SPAG9: variants seen among roughly 807,000 people sequenced by gnomAD.
SPAG9 encodes C-Jun-amino-terminal kinase-interacting protein 4.
In SPAG9, 35 loss-of-function variants were observed where a neutral mutation model predicts 166.5. The ratio of observed to expected loss-of-function variants is 0.21; its 90% confidence interval spans 0.16 to 0.28. The LOEUF is 0.28. Ranked by LOEUF, SPAG9 falls within the 10% of genes least tolerant of loss-of-function variation. SPAG9 has a pLI of 1.00. For synonymous variants in SPAG9, 534 were observed against 565.5 expected (o/e 0.94, Z 0.79); for missense variants, 1,235 against 1,603.3 (o/e 0.77, Z 3.92).
chr17:51,009,825 A>AAAAT (rs893185643), intron 9 of SPAG9, among the ~76,000 whole-genome samples: 5 of 152,198 alleles, frequency 3.3e-5, no homozygotes, highest in Non-Finnish European at 7.4e-5. Flanking sequence ...CGAGATGGCA[A>AAAAT]AAATAAATAA....
chr17:51,022,886 G>T (rs1016069832), intron 6 of SPAG9, among the ~76,000 whole-genome samples: 1 of 150,370 alleles, frequency 6.7e-6, no homozygotes, highest in Non-Finnish European at 1.5e-5. Flanking sequence ...GGAGGCAGAG[G>T]TTGCAGTGAG....
chr17:51,093,529 C>T (rs2048526294), intron 1 of SPAG9, among the ~76,000 whole-genome samples: 2 of 151,414 alleles, frequency 1.3e-5, no homozygotes, highest in Admixed American at 6.6e-5. Context: ...GGTGAAACCC[C>T]GTCTCTACTA....
chr17:51,071,677 AGT>A (rs2047824250), intron 2 of SPAG9, among the ~76,000 whole-genome samples: 1 of 152,246 alleles, frequency 6.6e-6, no homozygotes, highest in African/African-American at 2.4e-5. Flanking sequence ...AAAGCTGTAA[AGT>A]GTGTCTTTTA....
At chr17:51,010,163 T>A (rs141113469) in intron 9 of SPAG9, among the ~76,000 whole-genome samples, 4 of 152,196 alleles carry the variant, frequency 2.6e-5, no homozygotes, top group Admixed American at 2.0e-4. Flanking sequence ...CAGAGTTATA[T>A]GGTAATCCCT....
intron 1 of SPAG9, among the ~76,000 whole-genome samples, chr17:51,084,489 A>G (rs1598151749): frequency 6.6e-6 from 1 of 151,918 alleles, no homozygotes; most frequent in Admixed American, 6.6e-5. Flanking sequence ...CCTGGCTTCA[A>G]GCAATACTCC....
At chr17:51,072,361 C>A (rs1225245680) in intron 2 of SPAG9, among the ~76,000 whole-genome samples, 1 of 149,818 alleles carries the variant, frequency 6.7e-6, no homozygotes, top group African/African-American at 2.5e-5. Context: ...CGTGAGCCAC[C>A]GCGCCTGGTC....
chr17:51,017,027 G>A (rs2045727067), intron 8 of SPAG9, among the ~76,000 whole-genome samples: 3 of 152,188 alleles, frequency 2.0e-5, no homozygotes, highest in Admixed American at 1.3e-4. Flanking sequence ...AACAGAATTT[G>A]AAATATATAA....
chr17:51,080,886 C>CAAAAAAAAAAA, intron 1 of SPAG9, among the ~76,000 whole-genome samples: 1 of 67,852 alleles, frequency 1.5e-5, no homozygotes, highest in East Asian at 5.1e-4. Flanking sequence ...GACTCTATCT[C>CAAAAAAAAAAA]AAAAAAAAAA....
In SPAG9 at chr17:51,061,612, C is replaced by CCAAAAAAAAAA. The variant is rs34337438; in HGVS notation, c.425-5131_425-5130insTTTTTTTTTTG. On this transcript the variant is annotated intron_variant, in intron 2 of 29. Coordinates refer to ENST00000262013, the MANE Select transcript of SPAG9 (RefSeq NM_001130528.3). ...GCAACAAGAGCGAAAGCTCTGTCTC[C>CCAAAAAAAAAA]AAAAAAAAAAAAAAAAAAAAAAAAA... 9.5e-5 allele frequency among the ~76,000 whole-genome samples: 3 copies of CCAAAAAAAAAA among 31,726 alleles called. 1 individual carries two copies. Among genetic ancestry groups the CCAAAAAAAAAA allele is most frequent in the Admixed American group, 5.4e-4 (1 of 1,864 alleles). 20.8% of individuals were successfully genotyped at this position (31,726 alleles called of 152,430 possible).
At chr17:50,988,694 T>C (rs9898653) in intron 21 of SPAG9, among the ~76,000 whole-genome samples, 47,663 of 151,826 alleles carry the variant, frequency 0.31, 7,575 homozygotes, top group Admixed American at 0.37. Context: ...GCTGGGACCA[T>C]AGGTGCACGC....
chr17:51,115,828 C>CAA (rs915419234), intron 1 of SPAG9, among the ~76,000 whole-genome samples: 1 of 144,550 alleles, frequency 6.9e-6, no homozygotes, highest in East Asian at 2.0e-4. Flanking sequence ...AACTCCATCT[C>CAA]AAAAAAAAAG....
At chr17:51,072,118 C>T (rs959484698) in intron 2 of SPAG9, among the ~76,000 whole-genome samples, 4 of 152,056 alleles carry the variant, frequency 2.6e-5, no homozygotes, top group African/African-American at 7.2e-5. Flanking sequence ...ATTGCCCAGG[C>T]TGGAGTACAG....
intron 3 of SPAG9, among the ~76,000 whole-genome samples, chr17:51,051,161 G>C (rs2047172940): frequency 6.6e-6 from 1 of 152,142 alleles, no homozygotes; most frequent in African/African-American, 2.4e-5. Context: ...CCAGGCTGGA[G>C]TGCAGTGGCA....
At chr17:50,985,056 G>GAACT in intron 23 of SPAG9, 66 bp from the exon 24 acceptor site, 1 of 1,438,758 alleles carries the variant, frequency 7.0e-7, no homozygotes. Context: ...ACATGCTACT[G>GAACT]AACTAGTTCA....
At chr17:50,996,803 T>A in intron 15 of SPAG9, 109 bp from the exon 16 acceptor site, 1 of 1,051,220 alleles carries the variant, frequency 9.5e-7, no homozygotes, top group Non-Finnish European at 1.4e-6. Context: ...AAAATTTACA[T>A]GATTTCAAAT....
intron 1 of SPAG9, among the ~76,000 whole-genome samples, chr17:51,115,132 T>C (rs1201462480): frequency 1.3e-5 from 2 of 152,268 alleles, no homozygotes; most frequent in African/African-American, 4.8e-5. Context: ...GCTGATTCCA[T>C]GGGAACAAGT....
chr17:50,994,441 T>C (rs2143871714), intron 18 of SPAG9, among the ~76,000 whole-genome samples: 1 of 152,242 alleles, frequency 6.6e-6, no homozygotes, highest in South Asian at 2.1e-4. Context: ...CCTATCAATA[T>C]TAATTAGTAG....
intron 29 of SPAG9, among the ~76,000 whole-genome samples, chr17:50,967,551 G>A (rs564650706): frequency 6.3e-4 from 96 of 152,254 alleles, no homozygotes; most frequent in African/African-American, 2.2e-3. Context: ...CAGGTGGTTA[G>A]AAGGTAAAAA....
intron 12 of SPAG9, among the ~76,000 whole-genome samples, 163 bp from the exon 13 acceptor site, chr17:51,002,008 CTTTT>C (rs796261902): frequency 6.6e-6 from 1 of 151,862 alleles, no homozygotes; most frequent in Non-Finnish European, 1.5e-5. Context: ...TCAACAAAGA[CTTTT>C]TTTTAAAAAA....
Sources: gnomAD v4.1 joint callset for allele counts (sites outside exome capture counted in the v4.1 genomes callset) on GRCh38, gnomAD v4.1.1 for gene constraint, MANE v1.5 for transcripts, NCBI Gene and HGNC (gene_info 2026-07-23, HGNC 2026-07-21) for gene names.